The following CEP63 variants were observed in gnomAD, a reference collection of about 807,000 sequenced individuals.
CEP63 encodes centrosomal protein of 63 kDa.
In CEP63, 84 loss-of-function variants were observed where a neutral mutation model predicts 89.1. The ratio of observed to expected loss-of-function variants is 0.94; its 90% CI spans 0.79 to 1.13. CEP63 has a LOEUF of 1.13. Among genes scored for constraint, CEP63 ranks in the 50% most tolerant of loss-of-function variants. The pLI is 0.00. For synonymous variants in CEP63, 267 were observed against 272.5 expected (o/e 0.98, Z 0.20); for missense variants, 838 against 813.3 (o/e 1.03, Z -0.37).
chr3:134,530,210 C>T (rs2109008081), intron 3 of CEP63, among the ~76,000 whole-genome samples: 1 of 152,228 alleles, frequency 6.6e-6, no homozygotes, highest in African/African-American at 2.4e-5. Context: ...ATATCGACTC[C>T]CACATTGCTT....
the CEP63 span, among the ~76,000 whole-genome samples, chr3:134,774,674 T>C: frequency 6.6e-6 from 1 of 151,916 alleles, no homozygotes; most frequent in Non-Finnish European, 1.5e-5. Flanking sequence ...TGTGAGAGAG[T>C]GTGTGTGTGA....
At chr3:134,625,045 T>C in the CEP63 span, 2 of 1,588,560 alleles carry the variant, frequency 1.3e-6, no homozygotes, top group Non-Finnish European at 8.6e-7. Flanking sequence ...AGCGGCCAGC[T>C]GTCCTACCTG....
chr3:134,607,741 A>G, the CEP63 span: 6 of 985,634 alleles, frequency 6.1e-6, no homozygotes, highest in African/African-American at 1.0e-4. Context: ...TCCGTGGTGA[A>G]GGTTGGGAGA....
the CEP63 span, among the ~76,000 whole-genome samples, chr3:134,677,194 G>A: frequency 6.6e-6 from 1 of 152,186 alleles, no homozygotes; most frequent in African/African-American, 2.4e-5. Context: ...GGCAGGCGGA[G>A]GTTGCAGTGA....
At chr3:134,547,568 A>C in intron 9 of CEP63, 96 bp downstream of exon 9, 1 of 999,104 alleles carries the variant, frequency 1.0e-6, no homozygotes, top group South Asian at 1.4e-5. Flanking sequence ...TAGTAAAAAA[A>C]ATAAGATTTT....
intron 5 of CEP63, chr3:134,536,083 C>G (rs1462809717): frequency 1.3e-5 from 2 of 152,174 alleles, no homozygotes; most frequent in African/African-American, 4.8e-5. Context: ...TAACTTCACC[C>G]TCATCTCCCT....
At chr3:134,543,212 A>C (rs957150034) in intron 6 of CEP63, among the ~76,000 whole-genome samples, 4 of 152,210 alleles carry the variant, frequency 2.6e-5, no homozygotes, top group African/African-American at 9.7e-5. Flanking sequence ...TACAACATTT[A>C]CTTTACATTT....
the CEP63 span, among the ~76,000 whole-genome samples, chr3:134,767,857 T>A: frequency 4.6e-5 from 7 of 152,198 alleles, no homozygotes; most frequent in East Asian, 3.8e-4. Flanking sequence ...ATTGTCAAAA[T>A]TCAGGGGCAG....
the CEP63 span, among the ~76,000 whole-genome samples, chr3:134,644,396 G>A: frequency 6.6e-6 from 1 of 152,190 alleles, no homozygotes; most frequent in East Asian, 1.9e-4. Flanking sequence ...CCTCCCAGGG[G>A]AAGCATGACC....
At position 134,561,631 on chromosome 3, in the gene CEP63, A is replaced by G; in HGVS notation, c.*96A>G. 3 of 1,529,710 alleles carry G rather than the reference A, an allele frequency of 2.0e-6. No individual in the cohort carries two copies. The highest frequency in any genetic ancestry group is 2.6e-6 in the Non-Finnish European group (3 of 1,140,102). 94.8% of individuals were successfully genotyped at this position (1,529,710 alleles called of 1,614,324 possible). ...CTCTTTAAAAACATGAAGAGATAAA[A>G]TTATAAAAATGATACATCTAAAGCA... is the stretch of plus-strand genomic sequence containing the variant. On this transcript the variant is annotated 3_prime_UTR_variant, in exon 15 of 15. Coordinates refer to ENST00000675561, the MANE Select transcript of CEP63 (RefSeq NM_001353108.3).
chr3:134,571,550 G>A (rs889698464), intron 11 of CEP63, among the ~76,000 whole-genome samples: 9 of 152,028 alleles, frequency 5.9e-5, no homozygotes, highest in African/African-American at 4.8e-5. Flanking sequence ...GCATGGTGGC[G>A]GGCACCTGTA....
the CEP63 span, among the ~76,000 whole-genome samples, chr3:134,637,997 A>C: frequency 6.6e-6 from 1 of 152,170 alleles, no homozygotes; most frequent in Non-Finnish European, 1.5e-5. Context: ...GTCAATGTCC[A>C]ATATTTTCCT....
At chr3:134,523,532 T>G (rs560345368) in intron 3 of CEP63, among the ~76,000 whole-genome samples, 1 of 152,312 alleles carries the variant, frequency 6.6e-6, no homozygotes, top group East Asian at 1.9e-4. Flanking sequence ...GGCTTTACAC[T>G]TAAGTCTTTA....
the CEP63 span, chr3:134,607,281 G>C: frequency 1.0e-6 from 1 of 985,532 alleles, no homozygotes; most frequent in Non-Finnish European, 1.2e-6. Flanking sequence ...GAGTTTGCAA[G>C]AGCTCAGCAA....
chr3:134,491,496 G>A (rs1937558473), intron 1 of CEP63, among the ~76,000 whole-genome samples: 1 of 152,144 alleles, frequency 6.6e-6, no homozygotes, highest in South Asian at 2.1e-4. Flanking sequence ...TCATTTGTCA[G>A]TTAACTTTGC....
chr3:134,565,500 G>A (rs1043295589), downstream of CEP63, among the ~76,000 whole-genome samples: 4 of 152,172 alleles, frequency 2.6e-5, no homozygotes, highest in African/African-American at 2.4e-5. Context: ...GAGAACATAC[G>A]TTAAGCAAAC....
At chr3:134,535,500 C>CTTTTTTTTTTTTTTTT (rs869231096) in intron 5 of CEP63, 1 of 143,288 alleles carries the variant, frequency 7.0e-6, no homozygotes, top group Non-Finnish European at 1.5e-5. Context: ...CTTTCCTTTC[C>CTTTTTTTTTTTTTTTT]TTTTTTTTTT....
the CEP63 span, among the ~76,000 whole-genome samples, chr3:134,774,444 A>G: frequency 6.6e-6 from 1 of 151,868 alleles, no homozygotes; most frequent in Non-Finnish European, 1.5e-5. Flanking sequence ...AATCCTGTAA[A>G]ATGAAAGACC....
chr3:134,520,633 C>G (rs1453887036), intron 3 of CEP63, among the ~76,000 whole-genome samples: 1 of 152,056 alleles, frequency 6.6e-6, no homozygotes, highest in African/African-American at 2.4e-5. Context: ...TACTAGAAAA[C>G]AAGATTTATT....
Sources: allele counts gnomAD v4.1 joint callset (sites outside exome capture counted in the v4.1 genomes callset), GRCh38; gene constraint gnomAD v4.1.1; transcripts MANE v1.5; gene names NCBI Gene and HGNC (gene_info 2026-07-23, HGNC 2026-07-21).